Variants in SGCD observed in about 807,000 individuals in gnomAD.
SGCD encodes the protein delta-sarcoglycan.
In SGCD, 18 loss-of-function variants were observed where a neutral mutation model predicts 36.6. The observed-to-expected ratio is 0.49, with a 90% CI of 0.34 to 0.73. The LOEUF is 0.73. SGCD is among the 30% of genes least tolerant of loss of function. The pLI, the probability that SGCD is intolerant of heterozygous loss-of-function variation, is 0.01. For missense variants in SGCD, 387 were observed against 346.7 expected, an observed-to-expected ratio of 1.12 and a Z score of -0.92; for synonymous variants, 133 against 130.6, an observed-to-expected ratio of 1.02 and a Z score of -0.12.
In SGCD at chr5:156,052,938, A is replaced by C. The variant is rs752105694; in HGVS notation, c.-281-64940A>C. Among the ~76,000 whole-genome samples, 7 of 146,100 alleles carry C rather than the reference A, an allele frequency of 4.8e-5. 2 individuals carry two copies. The highest frequency in any genetic ancestry group is 7.7e-5 in the Non-Finnish European group (5 of 64,782). On this transcript the variant is annotated intron_variant, in intron 1 of 9. Coordinates refer to the SGCD transcript ENST00000517913. The stretch of plus-strand genomic sequence containing the variant: ...ATCACTGCTGGGTTTCCTCTTATGC[A>C]AGCTCTAGGACCAATGTGTTGTGCC...
intron 1 of SGCD, among the ~76,000 whole-genome samples, chr5:155,948,902 A>T (rs139247600): frequency 7.9e-4 from 120 of 152,332 alleles, no homozygotes; most frequent in African/African-American, 2.7e-3. Context: ...TGAACTAATT[A>T]GTCAATGAAT....
At chr5:156,613,689 A>G (rs1263915765) in intron 6 of SGCD, among the ~76,000 whole-genome samples, 1 of 152,224 alleles carries the variant, frequency 6.6e-6, no homozygotes, top group African/African-American at 2.4e-5. Context: ...AGACCTCAGT[A>G]AGCTGTGTTG....
intron 1 of SGCD, among the ~76,000 whole-genome samples, chr5:155,918,976 C>G (rs2113371177): frequency 6.6e-6 from 1 of 152,112 alleles, no homozygotes; most frequent in East Asian, 1.9e-4. Flanking sequence ...CTGCAAAAAG[C>G]TTCCAGATTA....
chr5:155,988,139 T>C (rs1239117270), intron 1 of SGCD, among the ~76,000 whole-genome samples: 1 of 152,164 alleles, frequency 6.6e-6, no homozygotes, highest in African/African-American at 2.4e-5. Context: ...TTAGACTATT[T>C]ATATATTGGT....
intron 3 of SGCD, among the ~76,000 whole-genome samples, chr5:156,440,745 A>G (rs996149730): frequency 1.3e-5 from 2 of 152,164 alleles, no homozygotes; most frequent in African/African-American, 4.8e-5. Context: ...CTTATTGGCC[A>G]TGTGATATAC....
Position 156,035,008 on chromosome 5 carries a change from A to T in SGCD, c.-281-82870A>T, listed in dbSNP as rs896557086. ...TACTTTTTGGCAATTTTTATAATAC[A>T]TAAATACCTTCTACATGTTTCCAGT... On this transcript the variant is annotated intron_variant, in intron 1 of 9. Transcript: ENST00000517913. Among the ~76,000 whole-genome samples, 17 of 152,218 alleles carry T rather than the reference A, an allele frequency of 1.1e-4. 1 individual carries two copies. The highest frequency in any genetic ancestry group is 9.8e-4 in the Admixed American group (15 of 15,276).
At chr5:156,547,793 C>G (rs1758641701) in intron 4 of SGCD, among the ~76,000 whole-genome samples, 1 of 152,122 alleles carries the variant, frequency 6.6e-6, no homozygotes, top group Admixed American at 6.6e-5. Flanking sequence ...AGGACTGAGG[C>G]TTGTGTAACT....
intron 3 of SGCD, among the ~76,000 whole-genome samples, chr5:156,501,869 A>G (rs971547470): frequency 5.3e-5 from 8 of 152,136 alleles, no homozygotes; most frequent in African/African-American, 1.9e-4. Context: ...AGACTTCAGG[A>G]TCATCACTGG....
At chr5:155,804,582 G>T in the SGCD span, among the ~76,000 whole-genome samples, 9 of 152,194 alleles carry the variant, frequency 5.9e-5, no homozygotes, top group Non-Finnish European at 1.5e-5. Flanking sequence ...ATAGACTCAG[G>T]TTGTGCAACC....
rs1273664641 is a variant in SGCD, at chr5:155,926,851, G to A, written c.-282+56427G>A. 3.9e-5 allele frequency among the ~76,000 whole-genome samples: 6 copies of A among 152,088 alleles called. 1 individual carries two copies. The highest frequency in any genetic ancestry group is 2.6e-4 in the Admixed American group (4 of 15,272). ...TAAAACGCTAGAAATAAAATCATAC[G>A]CAGTATGATCCCAATCAAAAAAAGC... On this transcript the variant is annotated intron_variant, in intron 1 of 9. Coordinates refer to the SGCD transcript ENST00000517913.
intron 3 of SGCD, among the ~76,000 whole-genome samples, chr5:156,400,866 G>T (rs775561136): frequency 6.6e-6 from 1 of 152,152 alleles, no homozygotes; most frequent in Non-Finnish European, 1.5e-5. Context: ...GCTCCAAAAG[G>T]CAATATATAG....
intron 3 of SGCD, among the ~76,000 whole-genome samples, chr5:156,251,327 A>T (rs1765571916): frequency 6.6e-6 from 1 of 152,162 alleles, no homozygotes; most frequent in Non-Finnish European, 1.5e-5. Context: ...TGCAAATAAG[A>T]TACTGAAAAA....
At chr5:156,236,016 G>C (rs30275) in intron 3 of SGCD, among the ~76,000 whole-genome samples, 54,163 of 152,010 alleles carry the variant, frequency 0.36, 10,306 homozygotes, top group African/African-American at 0.43. Context: ...GAAAAGAAAA[G>C]ATATGCATAC....
intron 3 of SGCD, among the ~76,000 whole-genome samples, chr5:156,223,550 G>A (rs1194765834): frequency 2.6e-5 from 4 of 152,018 alleles, no homozygotes; most frequent in Non-Finnish European, 4.4e-5. Flanking sequence ...GCAAGACTTC[G>A]GGTGTGTTGA....
the SGCD span, among the ~76,000 whole-genome samples, chr5:155,833,846 A>G: frequency 6.6e-6 from 1 of 152,226 alleles, no homozygotes; most frequent in South Asian, 2.1e-4. Context: ...AGATCAGGTC[A>G]ACCTATTTGG....
chr5:155,914,231 G>A (rs1214951809), intron 1 of SGCD, among the ~76,000 whole-genome samples: 1 of 152,164 alleles, frequency 6.6e-6, no homozygotes, highest in Non-Finnish European at 1.5e-5. Flanking sequence ...ATCAAATCTT[G>A]ATGAAGTTGT....
At chr5:156,464,718 G>A (rs1581032291) in intron 3 of SGCD, among the ~76,000 whole-genome samples, 3 of 152,216 alleles carry the variant, frequency 2.0e-5, no homozygotes, top group Non-Finnish European at 4.4e-5. Flanking sequence ...TCCTCTTCAT[G>A]CTTTCTCTTC....
At chr5:155,947,485 C>A (rs1438752896) in intron 1 of SGCD, among the ~76,000 whole-genome samples, 1 of 151,956 alleles carries the variant, frequency 6.6e-6, no homozygotes, top group Non-Finnish European at 1.5e-5. Context: ...TCCTCAAAGT[C>A]TTAGAAATAC....
At chr5:156,082,809 T>C (rs1384035529) in intron 1 of SGCD, among the ~76,000 whole-genome samples, 1 of 152,216 alleles carries the variant, frequency 6.6e-6, no homozygotes, top group Non-Finnish European at 1.5e-5. Flanking sequence ...GGTAGTTGCA[T>C]GTTTAATTTT....
Sources: allele counts gnomAD v4.1 joint callset (sites outside exome capture counted in the v4.1 genomes callset), GRCh38; gene constraint gnomAD v4.1.1; transcripts MANE v1.5; gene names NCBI Gene and HGNC (gene_info 2026-07-23, HGNC 2026-07-21).